Variants in CELF4 observed in about 807,000 individuals in gnomAD.
The protein encoded by CELF4 is CUGBP Elav-like family member 4, also known as CUG-BP- and ETR-3-like factor 4.
A neutral mutation model predicts 59.9 loss-of-function variants in CELF4; 18 were observed. That is an observed-to-expected ratio of 0.30 (90% CI 0.21 to 0.45). The LOEUF (loss-of-function observed/expected upper bound fraction) is 0.45. CELF4 is among the 20% of genes least tolerant of loss of function. The probability of loss-of-function intolerance (pLI) is 1.00; values close to 1 mark genes in which losing one functional copy is unlikely to be tolerated. For synonymous variants in CELF4, 261 were observed against 267.1 expected (o/e 0.98, Z 0.22); for missense variants, 456 against 689.0 (o/e 0.66, Z 3.79).
chr18:37,422,109 G>C (rs2099581823), intron 2 of CELF4, among the ~76,000 whole-genome samples: 1 of 152,230 alleles, frequency 6.6e-6, no homozygotes, highest in South Asian at 2.1e-4. Flanking sequence ...AGACAAGTGA[G>C]GAAACTGAAT....
At chr18:37,361,829 T>G (rs1377038195) in intron 2 of CELF4, among the ~76,000 whole-genome samples, 1 of 138,488 alleles carries the variant, frequency 7.2e-6, no homozygotes, top group Non-Finnish European at 1.6e-5. Context: ...AGAGCCATTC[T>G]AGTGGCAGCC....
At chr18:37,544,808 C>A (rs1266697819) in intron 1 of CELF4, among the ~76,000 whole-genome samples, 4 of 152,272 alleles carry the variant, frequency 2.6e-5, no homozygotes, top group Non-Finnish European at 5.9e-5. Context: ...GAAAGCTGAG[C>A]CCCAGGGGCC....
At chr18:37,524,225 C>T (rs779900188) in intron 1 of CELF4, among the ~76,000 whole-genome samples, 1 of 152,160 alleles carries the variant, frequency 6.6e-6, no homozygotes, top group Non-Finnish European at 1.5e-5. Flanking sequence ...ATATCCACCT[C>T]GGGGAGGGAA....
At chr18:37,547,159 T>G (rs201650809) in intron 1 of CELF4, among the ~76,000 whole-genome samples, 37 of 40,428 alleles carry the variant, frequency 9.2e-4, no homozygotes, top group East Asian at 5.5e-3. Flanking sequence ...TGTGTGTGTG[T>G]GGTGTGTGTG....
chr18:37,257,600 G>C (rs1428365348), intron 11 of CELF4, among the ~76,000 whole-genome samples: 1 of 152,150 alleles, frequency 6.6e-6, no homozygotes, highest in Non-Finnish European at 1.5e-5. Context: ...GATTCCAGAA[G>C]GTTGGACTCC....
At chr18:37,523,286 A>C (rs1024243624) in intron 1 of CELF4, among the ~76,000 whole-genome samples, 1 of 152,022 alleles carries the variant, frequency 6.6e-6, no homozygotes, top group Non-Finnish European at 1.5e-5. Context: ...ATCCATTCTC[A>C]TGCTCCCCCA....
intron 11 of CELF4, among the ~76,000 whole-genome samples, chr18:37,255,136 A>G (rs1005101877): frequency 6.6e-6 from 1 of 152,184 alleles, no homozygotes; most frequent in African/African-American, 2.4e-5. Context: ...TTGGCGAGAT[A>G]CTGAGGCGTT....
At chr18:37,267,245 C>T (rs1434712569) in intron 8 of CELF4, among the ~76,000 whole-genome samples, 3 of 152,202 alleles carry the variant, frequency 2.0e-5, no homozygotes, top group Admixed American at 6.5e-5. Context: ...ACCAGGAGAC[C>T]AAGGACCTTC....
rs1231306993 is a variant in CELF4, at chr18:37,498,368, T to A, written c.287-12761A>T. ...TCCCTTCCCTCCCCTCCCTTTCCTT[T>A]CCTTTCCCTCCTTTCCATCATCTCC... On this transcript the variant is annotated intron_variant, in intron 1 of 12. Transcript: ENST00000420428. Among the ~76,000 whole-genome samples, 14 of 129,920 alleles carry A rather than the reference T, an allele frequency of 1.1e-4. No homozygotes were observed. In the Admixed American group the frequency reaches 1.1e-3, roughly 10 times the overall value. 85.2% of individuals were successfully genotyped at this position (129,920 alleles called of 152,430 possible).
intron 1 of CELF4, among the ~76,000 whole-genome samples, chr18:37,536,506 G>A (rs1417810397): frequency 1.3e-5 from 2 of 152,216 alleles, no homozygotes; most frequent in Non-Finnish European, 2.9e-5. Context: ...GGTCTATGCA[G>A]GGCACCTGTG....
rs181993888 is a variant in CELF4, at chr18:37,413,000, C to A, written c.369+72525G>T. On this transcript the variant is annotated intron_variant, in intron 2 of 12. Coordinates refer to ENST00000420428, the MANE Select transcript of CELF4 (RefSeq NM_020180.4). ...AGGCTGCGGGGGCTGGGCAGAGGGG[C>A]TCCCCTCCCCGCCCAGGCTGTGCAC... 2.2e-4 allele frequency among the ~76,000 whole-genome samples: 34 copies of A among 152,186 alleles called. No individual in the cohort carries two copies. In the East Asian group the frequency reaches 3.3e-3, roughly 15 times the overall value.
chr18:37,428,892 C>T (rs367672316), intron 2 of CELF4, among the ~76,000 whole-genome samples: 154 of 152,304 alleles, frequency 1.0e-3, no homozygotes, highest in African/African-American at 3.5e-3. Flanking sequence ...TTTTGACATC[C>T]AGAGGGCACA....
At chr18:37,504,235 A>G (rs1198653996) in intron 1 of CELF4, among the ~76,000 whole-genome samples, 2 of 152,136 alleles carry the variant, frequency 1.3e-5, no homozygotes, top group East Asian at 3.9e-4. Context: ...TCACGCCTGT[A>G]ATCCCAGCAC....
At chr18:37,474,817 C>A (rs1345428230) in intron 2 of CELF4, among the ~76,000 whole-genome samples, 1 of 152,210 alleles carries the variant, frequency 6.6e-6, no homozygotes, top group Non-Finnish European at 1.5e-5. Flanking sequence ...GCCCATGACC[C>A]CTTCTCTTCC....
chr18:37,418,805 G>A (rs2099549821), intron 2 of CELF4, among the ~76,000 whole-genome samples: 1 of 152,228 alleles, frequency 6.6e-6, no homozygotes, highest in Non-Finnish European at 1.5e-5. Context: ...TCAGGAACTT[G>A]CCAAAGGCTC....
intron 1 of CELF4, among the ~76,000 whole-genome samples, chr18:37,489,290 G>A (rs1396565081): frequency 6.6e-6 from 1 of 152,258 alleles, no homozygotes. Flanking sequence ...TCAAAAGAAG[G>A]GACCAGTCTG....
At chr18:37,565,209 G>T in intron 1 of CELF4, 147 bp downstream of exon 1, 1 of 799,408 alleles carries the variant, frequency 1.3e-6, no homozygotes, top group South Asian at 1.9e-5. Flanking sequence ...CCCAGCTCTG[G>T]TCTCCGCTGC....
At chr18:37,352,723 C>T (rs1236904730) in intron 2 of CELF4, among the ~76,000 whole-genome samples, 1 of 152,150 alleles carries the variant, frequency 6.6e-6, no homozygotes, top group Non-Finnish European at 1.5e-5. Flanking sequence ...ATCTGGAGGT[C>T]AGCATTGGAA....
intron 2 of CELF4, among the ~76,000 whole-genome samples, chr18:37,364,608 G>C (rs901359777): frequency 1.3e-5 from 2 of 152,224 alleles, no homozygotes; most frequent in East Asian, 3.8e-4. Flanking sequence ...GAACTCAGCA[G>C]TGCATACTAT....
Sources: gnomAD v4.1 joint callset for allele counts (sites outside exome capture counted in the v4.1 genomes callset) on GRCh38, gnomAD v4.1.1 for gene constraint, MANE v1.5 for transcripts, NCBI Gene and HGNC (gene_info 2026-07-23, HGNC 2026-07-21) for gene names.